LARGE1: variants seen among roughly 807,000 people sequenced by gnomAD.
The protein encoded by LARGE1 is xylosyl- and glucuronyltransferase LARGE1.
In LARGE1, 43 loss-of-function variants were observed where a neutral mutation model predicts 87.6. The ratio of observed to expected loss-of-function variants is 0.49; its 90% confidence interval spans 0.38 to 0.63. The LOEUF is 0.63. Ranked by LOEUF, LARGE1 falls within the 30% of genes least tolerant of loss-of-function variation. The pLI is 0.00. For synonymous variants in LARGE1, 434 were observed against 394.6 expected (o/e 1.10, Z -1.18); for missense variants, 802 against 1,000.2 (o/e 0.80, Z 2.67).
intron 6 of LARGE1, among the ~76,000 whole-genome samples, chr22:33,514,282 C>CCACACACA (rs60301225): frequency 6.5e-4 from 96 of 147,948 alleles, no homozygotes; most frequent in African/African-American, 1.9e-3. Flanking sequence ...CTATGTGTGT[C>CCACACACA]CACACACACA....
chr22:33,462,937 T>C (rs1601949008), intron 6 of LARGE1, among the ~76,000 whole-genome samples: 1 of 152,218 alleles, frequency 6.6e-6, no homozygotes, highest in Admixed American at 6.5e-5. Context: ...TCACACTGTG[T>C]TGGAGAAGAG....
chr22:33,541,075 C>T (rs868652697), intron 6 of LARGE1, among the ~76,000 whole-genome samples: 1 of 11,192 alleles, frequency 8.9e-5, no homozygotes, highest in Non-Finnish European at 1.7e-4. Flanking sequence ...GGGCGGGGGG[C>T]GGGTTGCAGG....
intron 6 of LARGE1, among the ~76,000 whole-genome samples, chr22:33,488,860 A>G (rs1460489136): frequency 6.6e-6 from 1 of 152,204 alleles, no homozygotes. Context: ...GCCACACCAA[A>G]TGCTCCTTGC....
chr22:33,487,676 T>C (rs2069646319), intron 6 of LARGE1, among the ~76,000 whole-genome samples: 1 of 152,156 alleles, frequency 6.6e-6, no homozygotes, highest in African/African-American at 2.4e-5. Flanking sequence ...CTCCTTTAGC[T>C]GAGTAAGAGG....
intron 6 of LARGE1, among the ~76,000 whole-genome samples, chr22:33,519,233 C>CGTGTGTGTGTGT (rs1021630518): frequency 2.9e-4 from 35 of 121,404 alleles, no homozygotes; most frequent in African/African-American, 8.6e-4. Context: ...TGCGTGCGCG[C>CGTGTGTGTGTGT]GCGTGTGTGT....
chr22:33,793,927 C>T (rs945278198), intron 1 of LARGE1, among the ~76,000 whole-genome samples: 1 of 151,972 alleles, frequency 6.6e-6, no homozygotes, highest in Non-Finnish European at 1.5e-5. Context: ...GAATTGATAA[C>T]CATAATTTTT....
intron 10 of LARGE1, among the ~76,000 whole-genome samples, chr22:33,318,686 A>T (rs1936419591): frequency 6.6e-6 from 1 of 152,142 alleles, no homozygotes; most frequent in South Asian, 2.1e-4. Flanking sequence ...AACATGGCAC[A>T]TGTATACATA....
At chr22:33,074,486 C>G in the LARGE1 span, among the ~76,000 whole-genome samples, 1 of 152,192 alleles carries the variant, frequency 6.6e-6, no homozygotes, top group South Asian at 2.1e-4. Flanking sequence ...ACCATCCTGA[C>G]CAACATGGTG....
downstream of LARGE1, among the ~76,000 whole-genome samples, chr22:33,157,712 C>G (rs907682425): frequency 7.9e-5 from 12 of 152,164 alleles, no homozygotes; most frequent in Admixed American, 2.6e-4. Flanking sequence ...ATTGAAACAT[C>G]ATGATACCCT....
At chr22:33,269,831 C>T (rs1928150060), downstream of LARGE1, among the ~76,000 whole-genome samples, 1 of 152,064 alleles carries the variant, frequency 6.6e-6, no homozygotes, top group Non-Finnish European at 1.5e-5. Flanking sequence ...CGGTGAAACC[C>T]TGTCTCTACT....
intron 4 of LARGE1, among the ~76,000 whole-genome samples, chr22:33,609,696 T>A (rs972352010): frequency 6.6e-6 from 1 of 152,080 alleles, no homozygotes; most frequent in Non-Finnish European, 1.5e-5. Context: ...GTTTGGATAT[T>A]TTTCCCCATC....
chr22:33,112,456 GATGGAAGCGACT>G, the LARGE1 span, among the ~76,000 whole-genome samples: 1 of 152,236 alleles, frequency 6.6e-6, no homozygotes, highest in Non-Finnish European at 1.5e-5. Flanking sequence ...GCGCTGGCAA[GATGGAAGCGACT>G]ATTACCATTG....
chr22:33,919,483 C>A (rs1313442639), intron 1 of LARGE1, among the ~76,000 whole-genome samples: 2 of 152,226 alleles, frequency 1.3e-5, no homozygotes, highest in Non-Finnish European at 2.9e-5. Context: ...CTACAGATAG[C>A]AATGCCAACC....
Position 33,370,513 on chromosome 22 carries a change from T to C in LARGE1, c.1131+11406A>G, listed in dbSNP as rs144923533. On this transcript the variant is annotated intron_variant, in intron 9 of 14. Coordinates refer to ENST00000397394, the MANE Select transcript of LARGE1 (RefSeq NM_133642.5). The stretch of plus-strand genomic sequence containing the variant: ...CTAGATTAGCATTTAAGTTTAGCTA[T>C]GTAAAAAGGTCCCAATTTTGAGAGA... Among the ~76,000 whole-genome samples the C allele has an allele frequency of 7.6e-3, 1,151 of 152,338 alleles. 11 individuals carry two copies. The highest frequency in any genetic ancestry group is 0.011 in the Admixed American group (161 of 15,308).
chr22:33,576,016 G>A (rs1293507564), intron 5 of LARGE1, among the ~76,000 whole-genome samples: 1 of 152,096 alleles, frequency 6.6e-6, no homozygotes, highest in East Asian at 1.9e-4. Flanking sequence ...CTGTTACAGT[G>A]GCTTAATTTC....
intron 2 of LARGE1, among the ~76,000 whole-genome samples, chr22:33,719,484 T>C (rs2083014084): frequency 1.3e-5 from 2 of 149,662 alleles, no homozygotes; most frequent in Non-Finnish European, 3.0e-5. Flanking sequence ...TATACAGGTA[T>C]GCCATCTATA....
At chr22:33,438,219 G>A (rs533588068) in intron 6 of LARGE1, among the ~76,000 whole-genome samples, 3 of 152,208 alleles carry the variant, frequency 2.0e-5, no homozygotes, top group South Asian at 2.1e-4. Context: ...GCTTGCCATC[G>A]TGTGAAGAGG....
rs562289756 is a variant in LARGE1, at chr22:33,908,730, T to C, written c.-83+11265A>G. On this transcript the variant is annotated intron_variant, in intron 1 of 14. Coordinates refer to ENST00000397394, the MANE Select transcript of LARGE1 (RefSeq NM_133642.5). Reference sequence around the variant, plus strand: ...ATTAAAAATAAAGACTTGCTGTCTGTAAGGGATTGGATTATCCTATTTGAG... The same window carrying C: ...ATTAAAAATAAAGACTTGCTGTCTGCAAGGGATTGGATTATCCTATTTGAG... Among the ~76,000 whole-genome samples the C allele has an allele frequency of 3.0e-4, 45 of 152,290 alleles. No individual in the cohort carries two copies. The South Asian group carries it at 9.3e-3, about 32-fold the overall frequency.
intron 6 of LARGE1, among the ~76,000 whole-genome samples, chr22:33,514,233 G>A (rs2071188695): frequency 6.6e-6 from 1 of 151,788 alleles, no homozygotes; most frequent in Non-Finnish European, 1.5e-5. Flanking sequence ...ATGACTGTGT[G>A]TGTATACATC....
Sources: gnomAD v4.1 joint callset for allele counts (sites outside exome capture counted in the v4.1 genomes callset) on GRCh38, gnomAD v4.1.1 for gene constraint, MANE v1.5 for transcripts, NCBI Gene and HGNC (gene_info 2026-07-23, HGNC 2026-07-21) for gene names.